The following SYT1 variants were observed in gnomAD, a reference collection of about 807,000 sequenced individuals.
SYT1 encodes synaptotagmin-1.
A neutral mutation model predicts 44.8 loss-of-function variants in SYT1; 8 were observed. The ratio of observed to expected loss-of-function variants is 0.18; its 90% CI spans 0.10 to 0.32. The LOEUF (loss-of-function observed/expected upper bound fraction) is 0.32, where lower values mean the gene tolerates loss of function less well. Ranked by LOEUF, SYT1 falls within the 10% of genes least tolerant of loss-of-function variation. The pLI, the probability that SYT1 is intolerant of heterozygous loss-of-function variation, is 1.00. For missense variants in SYT1, 286 were observed against 509.3 expected (o/e 0.56, Z 4.22); for synonymous variants, 154 against 188.8 (o/e 0.82, Z 1.51).
intron 3 of SYT1, among the ~76,000 whole-genome samples, chr12:79,208,670 G>T (rs895271977): frequency 6.6e-6 from 1 of 152,136 alleles, no homozygotes; most frequent in African/African-American, 2.4e-5. Context: ...ATTTAAAGGG[G>T]ATTCTTAGGA....
At chr12:79,408,724 TCTTTC>T (rs1868319216) in intron 9 of SYT1, among the ~76,000 whole-genome samples, 1 of 149,262 alleles carries the variant, frequency 6.7e-6, no homozygotes, top group South Asian at 2.2e-4. Context: ...TCTTTCCTTT[TCTTTC>T]TTTTTTTTTT....
At chr12:79,405,285 C>T (rs1426751970) in intron 9 of SYT1, among the ~76,000 whole-genome samples, 2 of 152,088 alleles carry the variant, frequency 1.3e-5, no homozygotes, top group Non-Finnish European at 2.9e-5. Context: ...CAAAAGTATA[C>T]TTTTCATAAG....
At chr12:79,358,235 G>A (rs540863571) in intron 9 of SYT1, among the ~76,000 whole-genome samples, 9 of 152,238 alleles carry the variant, frequency 5.9e-5, no homozygotes, top group South Asian at 2.1e-4. Context: ...GGACATGGCC[G>A]TTTAAAGAAG....
chr12:79,443,618 T>A (rs1870550139), intron 9 of SYT1, among the ~76,000 whole-genome samples: 1 of 152,236 alleles, frequency 6.6e-6, no homozygotes, highest in Non-Finnish European at 1.5e-5. Context: ...AAATGGCTCC[T>A]TTGTCCTCTC....
chr12:79,118,655 G>T (rs1879428569), intron 3 of SYT1, among the ~76,000 whole-genome samples: 1 of 151,920 alleles, frequency 6.6e-6, no homozygotes, highest in African/African-American at 2.4e-5. Context: ...ACATGTGTTA[G>T]CTCCTCTAGT....
intron 3 of SYT1, among the ~76,000 whole-genome samples, chr12:79,048,521 T>A (rs995970894): frequency 2.0e-5 from 3 of 151,970 alleles, no homozygotes; most frequent in Non-Finnish European, 4.4e-5. Context: ...CTGAAGGTTA[T>A]GTATGTTACA....
At chr12:79,305,090 A>G (rs1236531853) in intron 8 of SYT1, among the ~76,000 whole-genome samples, 1 of 152,220 alleles carries the variant, frequency 6.6e-6, no homozygotes, top group East Asian at 1.9e-4. Context: ...GATAGGAAAA[A>G]GCAAATAACT....
chr12:79,248,883 ACCCT>A (rs1419704547), intron 4 of SYT1, among the ~76,000 whole-genome samples: 1 of 152,066 alleles, frequency 6.6e-6, no homozygotes, highest in Admixed American at 6.5e-5. Context: ...GAGAATATTG[ACCCT>A]TTAAAAATCT....
intron 1 of SYT1, among the ~76,000 whole-genome samples, chr12:78,885,281 G>A (rs552091779): frequency 2.7e-5 from 4 of 148,576 alleles, no homozygotes; most frequent in African/African-American, 9.9e-5. Context: ...GGGAAGGAAG[G>A]AGGGAAGGAA....
At chr12:79,292,183 A>G (rs1443125279) in intron 6 of SYT1, 53 bp downstream of exon 6, 1 of 1,576,666 alleles carries the variant, frequency 6.3e-7, no homozygotes, top group Non-Finnish European at 8.6e-7. Context: ...GAAATTACCA[A>G]GTAGAAATTG....
At chr12:79,082,737 A>C (rs1405840674) in intron 3 of SYT1, among the ~76,000 whole-genome samples, 1 of 152,132 alleles carries the variant, frequency 6.6e-6, no homozygotes, top group African/African-American at 2.4e-5. Flanking sequence ...CTAAGGCAAG[A>C]ATTTTTACTT....
intron 3 of SYT1, among the ~76,000 whole-genome samples, chr12:79,151,838 G>C (rs968404320): frequency 6.6e-6 from 1 of 152,158 alleles, no homozygotes; most frequent in African/African-American, 2.4e-5. Context: ...CGAGGGATGT[G>C]CTGACGAGAG....
chr12:78,871,445 T>G (rs1873815217), intron 1 of SYT1, among the ~76,000 whole-genome samples: 1 of 152,050 alleles, frequency 6.6e-6, no homozygotes, highest in Non-Finnish European at 1.5e-5. Flanking sequence ...ATGTACTTAC[T>G]GGTCTCCAAT....
intron 9 of SYT1, among the ~76,000 whole-genome samples, chr12:79,437,413 AAT>A (rs1247145143): frequency 6.6e-6 from 1 of 152,198 alleles, no homozygotes; most frequent in African/African-American, 2.4e-5. Context: ...GAAAGAATCA[AAT>A]ATGGCTCCAA....
chr12:79,311,289 A>G (rs1377168397), intron 8 of SYT1, among the ~76,000 whole-genome samples: 2 of 152,184 alleles, frequency 1.3e-5, no homozygotes, highest in East Asian at 3.8e-4. Context: ...ACTGGCCATC[A>G]GAGAAATGCA....
intron 4 of SYT1, among the ~76,000 whole-genome samples, chr12:79,234,358 A>G (rs538311445): frequency 1.3e-5 from 2 of 152,336 alleles, no homozygotes; most frequent in Admixed American, 1.3e-4. Flanking sequence ...TTAGTCATAT[A>G]CAAGCAATGT....
At chr12:78,988,993 T>A (rs1869841086) in intron 2 of SYT1, among the ~76,000 whole-genome samples, 1 of 152,082 alleles carries the variant, frequency 6.6e-6, no homozygotes, top group African/African-American at 2.4e-5. Flanking sequence ...TGAGATATGT[T>A]TTTAAAGTAG....
chr12:79,412,878 A>G (rs903208944), intron 9 of SYT1, among the ~76,000 whole-genome samples: 2 of 152,166 alleles, frequency 1.3e-5, no homozygotes, highest in African/African-American at 2.4e-5. Context: ...TAAATTCTTT[A>G]CCGATTCAAT....
At chr12:79,076,407 A>C (rs924323093) in intron 3 of SYT1, among the ~76,000 whole-genome samples, 14 of 152,200 alleles carry the variant, frequency 9.2e-5, no homozygotes, top group South Asian at 2.1e-4. Context: ...ATATTTAAAA[A>C]ATAGAATGTT....
Sources: allele counts gnomAD v4.1 joint callset (sites outside exome capture counted in the v4.1 genomes callset), GRCh38; gene constraint gnomAD v4.1.1; transcripts MANE v1.5; gene names NCBI Gene and HGNC (gene_info 2026-07-23, HGNC 2026-07-21).